Variants in NUP93 observed in about 807,000 individuals in gnomAD.
NUP93 encodes the protein nucleoporin 93, also known as nuclear pore complex protein Nup93.
A neutral mutation model predicts 107.8 loss-of-function variants in NUP93; 55 were observed. The observed-to-expected ratio is 0.51, with a 90% CI of 0.41 to 0.64. NUP93 has a LOEUF of 0.64. Ranked by LOEUF, NUP93 falls within the 30% of genes least tolerant of loss-of-function variation. The probability of loss-of-function intolerance (pLI) is 0.00; values close to 1 mark genes in which losing one functional copy is unlikely to be tolerated. For synonymous variants in NUP93, 390 were observed against 397.5 expected (o/e 0.98, Z 0.22); for missense variants, 937 against 1,044.7 (o/e 0.90, Z 1.42).
chr16:56,781,540 C>T (rs937577551), intron 3 of NUP93: 2 of 152,206 alleles, frequency 1.3e-5, no homozygotes, highest in Non-Finnish European at 1.5e-5. Context: ...TCCTGCTGCT[C>T]AGTTAAGGGA....
intron 21 of NUP93, among the ~76,000 whole-genome samples, chr16:56,843,442 T>G (rs1008552485): frequency 1.3e-5 from 2 of 152,134 alleles, no homozygotes; most frequent in Admixed American, 6.5e-5. Context: ...TCCTTTTTCT[T>G]TCTTTTTCTG....
chr16:56,791,983 A>G (rs191458623), intron 3 of NUP93, among the ~76,000 whole-genome samples: 18 of 152,322 alleles, frequency 1.2e-4, no homozygotes, highest in East Asian at 5.8e-4. Flanking sequence ...TCACAAATCA[A>G]TACCCATACC....
intron 4 of NUP93, among the ~76,000 whole-genome samples, chr16:56,802,356 A>G (rs1339029645): frequency 7.1e-6 from 1 of 141,484 alleles, no homozygotes; most frequent in African/African-American, 2.7e-5. Context: ...TTTAAAATGC[A>G]TAACTTTCAT....
At position 56,830,517 on chromosome 16, in the gene NUP93, T is replaced by A; in HGVS notation, c.928-11T>A. The A allele has an allele frequency of 2.6e-6, 4 of 1,560,376 alleles. No homozygotes were observed. Among genetic ancestry groups the A allele is most frequent in the Non-Finnish European group, 2.6e-6 (3 of 1,143,676 alleles). ...TTGTTTATTTTGAGCACTTAACTGTTCCTCTTTTAGGATGGAGAGGTGGAA... is the reference window on the plus strand; with the variant it reads ...TTGTTTATTTTGAGCACTTAACTGTACCTCTTTTAGGATGGAGAGGTGGAA... On this transcript the variant is annotated splice_polypyrimidine_tract_variant and intron_variant, in intron 9 of 21. Transcript: ENST00000308159.
chr16:56,760,056 A>C (rs1488373903), intron 3 of NUP93, among the ~76,000 whole-genome samples: 1 of 152,204 alleles, frequency 6.6e-6, no homozygotes, highest in East Asian at 1.9e-4. Context: ...CATTTCATCT[A>C]ACCTTCTACT....
At chr16:56,778,127 G>C (rs564194827) in intron 3 of NUP93, among the ~76,000 whole-genome samples, 1 of 152,170 alleles carries the variant, frequency 6.6e-6, no homozygotes, top group Non-Finnish European at 1.5e-5. Context: ...GAGCGACACA[G>C]GATTCTAAAT....
chr16:56,753,393 C>T (rs1961959212), intron 2 of NUP93, among the ~76,000 whole-genome samples: 1 of 152,098 alleles, frequency 6.6e-6, no homozygotes, highest in Non-Finnish European at 1.5e-5. Context: ...GCAGGAAATA[C>T]AGAGGATAAA....
intron 5 of NUP93, among the ~76,000 whole-genome samples, chr16:56,812,776 T>G (rs910970015): frequency 6.6e-6 from 1 of 152,256 alleles, no homozygotes; most frequent in Non-Finnish European, 1.5e-5. Flanking sequence ...AGATTGTTAC[T>G]AACTCTTTAA....
At chr16:56,802,656 C>T (rs1462356929) in intron 4 of NUP93, among the ~76,000 whole-genome samples, 1 of 152,066 alleles carries the variant, frequency 6.6e-6, no homozygotes, top group Non-Finnish European at 1.5e-5. Flanking sequence ...CAAAACATCC[C>T]AATTGTAGGA....
intron 8 of NUP93, among the ~76,000 whole-genome samples, chr16:56,827,267 A>G (rs1388148382): frequency 1.3e-5 from 2 of 152,138 alleles, no homozygotes; most frequent in African/African-American, 2.4e-5. Context: ...TGGTATGGAA[A>G]CACTTAAAAC....
intron 2 of NUP93, among the ~76,000 whole-genome samples, chr16:56,752,177 A>G (rs1961932979): frequency 6.6e-6 from 1 of 152,242 alleles, no homozygotes; most frequent in Non-Finnish European, 1.5e-5. Context: ...GTACAGCACC[A>G]TGGGACAAAA....
At chr16:56,838,394 C>CTGAGATGA (rs1199680050) in intron 18 of NUP93, among the ~76,000 whole-genome samples, 16 of 152,256 alleles carry the variant, frequency 1.1e-4, no homozygotes, top group African/African-American at 3.9e-4. Context: ...AGATTGGATG[C>CTGAGATGA]TGAGATGATG....
At chr16:56,808,167 A>ATAACTATATAAAATATATAGTTATG (rs1963197129) in intron 5 of NUP93, among the ~76,000 whole-genome samples, 2 of 125,474 alleles carry the variant, frequency 1.6e-5, no homozygotes, top group South Asian at 2.3e-4. Context: ...ATATAGTTAT[A>ATAACTATATAAAATATATAGTTATG]TAACTATATA....
chr16:56,817,781 T>C (rs1303446917), intron 5 of NUP93, among the ~76,000 whole-genome samples: 2 of 152,210 alleles, frequency 1.3e-5, no homozygotes, highest in African/African-American at 4.8e-5. Context: ...TACTTACCAT[T>C]GTGTTACAGT....
intron 5 of NUP93, among the ~76,000 whole-genome samples, chr16:56,808,687 A>G (rs1963237166): frequency 7.6e-6 from 1 of 132,438 alleles, no homozygotes; most frequent in African/African-American, 2.8e-5. Flanking sequence ...AAATACATAT[A>G]TTTATAAATA....
chr16:56,811,851 T>A lies in NUP93; in HGVS notation c.489+6219T>A, dbSNP rs1433302398. Among the ~76,000 whole-genome samples, 3 of 152,204 alleles carry A rather than the reference T, an allele frequency of 2.0e-5. No homozygotes were observed. The East Asian group carries it at 5.8e-4, about 29-fold the overall frequency. On this transcript the variant is annotated intron_variant, in intron 5 of 21. Coordinates refer to ENST00000308159, the MANE Select transcript of NUP93 (RefSeq NM_014669.5). ...GTGGCCGGCCCAGTGCCTAGCATAGTGTACACAGTCAGCATATTCTAGCAT... is the reference window on the plus strand; with the variant it reads ...GTGGCCGGCCCAGTGCCTAGCATAGAGTACACAGTCAGCATATTCTAGCAT...
intron 21 of NUP93, chr16:56,842,669 C>T (rs1964049285): frequency 2.2e-6 from 1 of 448,698 alleles, no homozygotes; most frequent in Non-Finnish European, 4.4e-6. Context: ...CCTCCCACCT[C>T]ACCCTCCCAA....
intron 4 of NUP93, 133 bp downstream of exon 4, chr16:56,798,671 C>G: frequency 1.4e-6 from 1 of 719,630 alleles, no homozygotes; most frequent in South Asian, 1.8e-5. Flanking sequence ...AATTCAAGAT[C>G]AGCCTAGGCA....
chr16:56,744,142 A>G (rs953067377), intron 1 of NUP93, among the ~76,000 whole-genome samples: 9 of 152,072 alleles, frequency 5.9e-5, no homozygotes, highest in Non-Finnish European at 1.2e-4. Flanking sequence ...CCTCTCCTCC[A>G]TAGTTCCCCA....
Sources: allele counts gnomAD v4.1 joint callset (sites outside exome capture counted in the v4.1 genomes callset), GRCh38; gene constraint gnomAD v4.1.1; transcripts MANE v1.5; gene names NCBI Gene and HGNC (gene_info 2026-07-23, HGNC 2026-07-21).